SLC7A14: variants seen among roughly 807,000 people sequenced by gnomAD.
SLC7A14 encodes gamma-aminobutyric acid transporter SLC7A14.
Under a neutral mutation model 60.2 loss-of-function variants are expected in SLC7A14, and 37 were observed. The ratio of observed to expected loss-of-function variants is 0.61; its 90% CI spans 0.47 to 0.81. The LOEUF (loss-of-function observed/expected upper bound fraction) is 0.81. Among genes scored for constraint, SLC7A14 ranks in the 30% least tolerant of loss-of-function variants. The pLI, the probability that SLC7A14 is intolerant of heterozygous loss-of-function variation, is 0.00. For synonymous variants in SLC7A14, 399 were observed against 395.8 expected (o/e 1.01, Z -0.10); for missense variants, 886 against 982.7 (o/e 0.90, Z 1.32).
At chr3:170,523,549 T>C (rs1399432863) in intron 2 of SLC7A14, among the ~76,000 whole-genome samples, 1 of 152,166 alleles carries the variant, frequency 6.6e-6, no homozygotes, top group Non-Finnish European at 1.5e-5. Context: ...CATTACTTTT[T>C]TCTCCCTCTG....
intron 1 of SLC7A14, among the ~76,000 whole-genome samples, chr3:170,539,483 C>T (rs1166139128): frequency 6.6e-6 from 1 of 152,160 alleles, no homozygotes. Flanking sequence ...AGTCATCTAT[C>T]TGTGTCTGTC....
intron 4 of SLC7A14, among the ~76,000 whole-genome samples, chr3:170,489,621 G>T (rs1712151043): frequency 6.6e-6 from 1 of 152,230 alleles, no homozygotes; most frequent in Non-Finnish European, 1.5e-5. Context: ...TCAGCGTATT[G>T]AAGAGATATC....
chr3:170,553,141 A>C (rs1714395010), intron 1 of SLC7A14, among the ~76,000 whole-genome samples: 1 of 152,172 alleles, frequency 6.6e-6, no homozygotes. Flanking sequence ...CAAGAGCTGG[A>C]TTCTCTTTCT....
At chr3:170,510,303 T>C (rs1300523457) in intron 2 of SLC7A14, among the ~76,000 whole-genome samples, 1 of 150,216 alleles carries the variant, frequency 6.7e-6, no homozygotes, top group Non-Finnish European at 1.5e-5. Context: ...GACAGCAGAA[T>C]TGCTTGAACC....
chr3:170,546,775 G>A (rs77371424), intron 1 of SLC7A14, among the ~76,000 whole-genome samples: 6,681 of 152,006 alleles, frequency 0.044, 396 homozygotes, highest in African/African-American at 0.13. Context: ...AGTCTTTCAC[G>A]TCTCCAGTTA....
At chr3:170,479,476 T>C (rs1270660703) in intron 7 of SLC7A14, among the ~76,000 whole-genome samples, 2 of 152,176 alleles carry the variant, frequency 1.3e-5, no homozygotes, top group Non-Finnish European at 2.9e-5. Context: ...ACAATAGAAA[T>C]GGATCACAAA....
At position 170,467,377 on chromosome 3, in the gene SLC7A14, C is replaced by T; in HGVS notation, c.1994G>A (p.Gly665Asp). ...GCCATATCCAAAATAAATGAGCAGA[C>T]CTGTGGGGCGAGGGGAAAGGTACAG... The part of the protein sequence containing the change: ...WIRFAVWCFV[G>D]LLIYFGYGIW... The change falls in exon 8 of 8, where the codon GGT becomes GAT. Residue 665 changes from glycine to aspartate, a missense_variant and splice_region_variant. By Grantham distance (94) the Gly-to-Asp change is moderately conservative (BLOSUM62 -1). Coordinates refer to ENST00000231706, the MANE Select transcript of SLC7A14 (RefSeq NM_020949.3). 1 of 1,579,254 alleles carries T rather than the reference C, an allele frequency of 6.3e-7. No homozygotes were observed. Among genetic ancestry groups the T allele is most frequent in the Non-Finnish European group, 8.6e-7 (1 of 1,161,722 alleles).
intron 4 of SLC7A14, chr3:170,495,803 C>T: frequency 2.7e-6 from 3 of 1,125,990 alleles, no homozygotes; most frequent in South Asian, 2.5e-5. Context: ...TGCTGGAGAC[C>T]AAGTGGAGCC....
intron 7 of SLC7A14, among the ~76,000 whole-genome samples, chr3:170,475,349 G>C (rs1216697953): frequency 3.3e-5 from 5 of 152,278 alleles, no homozygotes; most frequent in South Asian, 4.1e-4. Flanking sequence ...TAAATCTTCA[G>C]TTTCATAAGC....
At chr3:170,495,343 T>C (rs1712349497) in intron 4 of SLC7A14, among the ~76,000 whole-genome samples, 1 of 152,224 alleles carries the variant, frequency 6.6e-6, no homozygotes, top group Admixed American at 6.5e-5. Context: ...ATTTTCCTGC[T>C]ACAATGAAAA....
rs115695309 is a variant in SLC7A14 at position 170,546,695 on chromosome 3, C to T, written c.-152-19607G>A. The stretch of plus-strand genomic sequence containing the variant: ...CAACCCATGCTGGTCCCCTGTGCTC[C>T]GACTTTCAGAGCAACTGAGGGGAGG... On this transcript the variant is annotated intron_variant, in intron 1 of 7. Transcript: ENST00000231706. Among the ~76,000 whole-genome samples, 302 of 152,254 alleles carry T rather than the reference C, an allele frequency of 2.0e-3. 3 individuals carry two copies. The highest frequency in any genetic ancestry group is 6.7e-3 in the African/African-American group (280 of 41,536).
At chr3:170,470,307 C>CAT (rs202077212) in intron 7 of SLC7A14, among the ~76,000 whole-genome samples, 1,166 of 39,954 alleles carry the variant, frequency 0.029, 20 homozygotes, top group African/African-American at 0.11. Context: ...CTGGAAGGAA[C>CAT]ATGTGTGTGT....
chr3:170,551,444 C>T (rs141179081), intron 1 of SLC7A14, among the ~76,000 whole-genome samples: 1 of 152,280 alleles, frequency 6.6e-6, no homozygotes, highest in Non-Finnish European at 1.5e-5. Context: ...TGTCATATGG[C>T]ATCTCAATGT....
chr3:170,568,635 C>T (rs1288932131), intron 1 of SLC7A14, among the ~76,000 whole-genome samples: 1 of 152,150 alleles, frequency 6.6e-6, no homozygotes, highest in Non-Finnish European at 1.5e-5. Context: ...ATTCTTTCTA[C>T]CCATGAGCAT....
At position 170,465,974 on chromosome 3, in the gene SLC7A14, A is replaced by C. The variant is rs1324078429; in HGVS notation, c.*1081T>G. 3 of 152,206 alleles carry C rather than the reference A, an allele frequency of 2.0e-5. No individual in the cohort carries two copies. The highest frequency in any genetic ancestry group is 4.4e-5 in the Non-Finnish European group (3 of 68,036). The allele number at this position is 152,206 out of a possible 1,614,324, so 9.4% of individuals were successfully genotyped here. ...ACACCTCTGAAAGTGAGCTAGCCCC[A>C]AGGAATAAGGTTCAGAAGTGAAATG... On this transcript the variant is annotated 3_prime_UTR_variant, in exon 8 of 8. Coordinates refer to ENST00000231706, the MANE Select transcript of SLC7A14 (RefSeq NM_020949.3).
At chr3:170,505,359 C>A (rs760374996) in intron 2 of SLC7A14, among the ~76,000 whole-genome samples, 15 of 152,188 alleles carry the variant, frequency 9.9e-5, no homozygotes, top group Non-Finnish European at 1.9e-4. Context: ...GTTGCGTCTC[C>A]TAATGTACGC....
intron 2 of SLC7A14, among the ~76,000 whole-genome samples, chr3:170,502,157 G>A (rs1712630060): frequency 6.6e-6 from 1 of 152,238 alleles, no homozygotes; most frequent in Non-Finnish European, 1.5e-5. Context: ...GAGAGAGACA[G>A]TATGAAGTAT....
chr3:170,470,696 G>T (rs531722382), intron 7 of SLC7A14, among the ~76,000 whole-genome samples: 7 of 151,686 alleles, frequency 4.6e-5, no homozygotes, highest in African/African-American at 1.5e-4. Context: ...AAATGGAGGG[G>T]GACAAAGAAA....
At chr3:170,499,397 G>A (rs187619174) in intron 3 of SLC7A14, among the ~76,000 whole-genome samples, 2 of 152,132 alleles carry the variant, frequency 1.3e-5, no homozygotes, top group African/African-American at 4.8e-5. Context: ...TAGGTAAGAT[G>A]ATCTGGTATC....
Sources: gnomAD v4.1 joint callset for allele counts (sites outside exome capture counted in the v4.1 genomes callset) on GRCh38, gnomAD v4.1.1 for gene constraint, MANE v1.5 for transcripts, NCBI Gene and HGNC (gene_info 2026-07-23, HGNC 2026-07-21) for gene names.